The following SLC30A8 variants were observed in gnomAD, a reference collection of about 807,000 sequenced individuals.
SLC30A8 encodes the protein solute carrier family 30 member 8.
In SLC30A8, 27 loss-of-function variants were observed where a neutral mutation model predicts 36.9. The ratio of observed to expected loss-of-function variants is 0.73; its 90% CI spans 0.54 to 1.01. The LOEUF is 1.01. SLC30A8 is among the 50% of genes least tolerant of loss of function. SLC30A8 has a pLI of 0.00. For synonymous variants in SLC30A8, 164 were observed against 172.4 expected (o/e 0.95, Z 0.38); for missense variants, 439 against 452.0 (o/e 0.97, Z 0.26).
rs544785637 is a variant in SLC30A8, at chr8:117,016,489, T to C, written c.-265-22730T>C. 1.5e-4 allele frequency among the ~76,000 whole-genome samples: 23 copies of C among 152,248 alleles called. No individual in the cohort carries two copies. The South Asian group carries it at 4.8e-3, about 32-fold the overall frequency. Reference sequence around the variant, plus strand: ...ATCAACTCCAGGCTGAGGTGCCAAATAAATACATCTCTCTCAAGTCTCTCA... The same window carrying C: ...ATCAACTCCAGGCTGAGGTGCCAAACAAATACATCTCTCTCAAGTCTCTCA... On this transcript the variant is annotated intron_variant, in intron 1 of 10. Transcript: ENST00000427715.
At chr8:116,961,939 C>T (rs1162201840) in intron 1 of SLC30A8, among the ~76,000 whole-genome samples, 2 of 151,926 alleles carry the variant, frequency 1.3e-5, no homozygotes, top group African/African-American at 4.8e-5. Context: ...GGCCCCACAT[C>T]CCAACACCGT....
At chr8:116,988,575 AT>A (rs1215023264) in intron 1 of SLC30A8, among the ~76,000 whole-genome samples, 1 of 152,096 alleles carries the variant, frequency 6.6e-6, no homozygotes, top group African/African-American at 2.4e-5. Flanking sequence ...GCCTCCTGGA[AT>A]TTTTGCCTTT....
chr8:117,042,124 A>G (rs1287880582), intron 2 of SLC30A8, among the ~76,000 whole-genome samples: 2 of 152,212 alleles, frequency 1.3e-5, no homozygotes, highest in Non-Finnish European at 2.9e-5. Context: ...AAGCATTGCA[A>G]TATTCTCTTT....
chr8:117,157,760 G>GT lies in SLC30A8; in HGVS notation c.489dup (p.Glu164Ter). 3 of 1,614,096 alleles carry GT rather than the reference G, an allele frequency of 1.9e-6. No individual in the cohort carries two copies. Among genetic ancestry groups the GT allele is most frequent in the Non-Finnish European group, 2.5e-6 (3 of 1,180,002 alleles). On this transcript the variant is annotated frameshift_variant, in exon 4 of 8. Transcript: ENST00000456015. LOFTEE classifies it high-confidence loss of function. ...ACTGGCGTGCTAGTGTACCTGGCAT[G>GT]TGAGCGCCTGCTGTATCCTGATTAC...
chr8:116,964,555 A>G (rs1814535083), intron 1 of SLC30A8, among the ~76,000 whole-genome samples: 1 of 152,232 alleles, frequency 6.6e-6, no homozygotes, highest in Non-Finnish European at 1.5e-5. Flanking sequence ...CAAAGTGTTT[A>G]TGCAGCACCT....
chr8:117,094,119 G>C (rs1228807272), intron 2 of SLC30A8, among the ~76,000 whole-genome samples: 5 of 152,252 alleles, frequency 3.3e-5, no homozygotes, highest in Non-Finnish European at 5.9e-5. Context: ...GGAGCCCCTA[G>C]GTTCGGGCTC....
chr8:117,159,460 C>G (rs1563634580), intron 4 of SLC30A8, among the ~76,000 whole-genome samples: 2 of 152,226 alleles, frequency 1.3e-5, no homozygotes, highest in South Asian at 4.2e-4. Context: ...ACAGCCTTGC[C>G]CCTTGACATC....
intron 1 of SLC30A8, among the ~76,000 whole-genome samples, chr8:116,961,288 G>C (rs192788633): frequency 2.6e-5 from 4 of 152,086 alleles, no homozygotes; most frequent in Non-Finnish European, 1.5e-5. Context: ...AATTAGCCGG[G>C]CGTGGTGGCA....
At chr8:117,052,032 C>T (rs967256284) in intron 2 of SLC30A8, among the ~76,000 whole-genome samples, 15 of 152,034 alleles carry the variant, frequency 9.9e-5, no homozygotes, top group South Asian at 2.1e-4. Flanking sequence ...TTTTTGGAGA[C>T]GGAGTTCCAC....
chr8:117,057,653 G>T (rs1481181633), intron 2 of SLC30A8, among the ~76,000 whole-genome samples: 4 of 152,066 alleles, frequency 2.6e-5, no homozygotes, highest in African/African-American at 9.7e-5. Flanking sequence ...ATTTCACAGA[G>T]TAATGTCCTC....
At chr8:117,167,510 T>TATATATATAC (rs1485276508) in intron 6 of SLC30A8, among the ~76,000 whole-genome samples, 2 of 151,794 alleles carry the variant, frequency 1.3e-5, no homozygotes, top group Non-Finnish European at 2.9e-5. Context: ...TACATGTATA[T>TATATATATAC]GTATATGTGT....
intron 2 of SLC30A8, among the ~76,000 whole-genome samples, chr8:117,120,563 T>C (rs1293630164): frequency 1.3e-5 from 2 of 151,824 alleles, no homozygotes; most frequent in African/African-American, 2.4e-5. Context: ...TTGTTTGATA[T>C]GACACCAAAA....
chr8:116,968,648 AAT>A (rs10623413), intron 1 of SLC30A8, among the ~76,000 whole-genome samples: 32 of 149,144 alleles, frequency 2.1e-4, no homozygotes, highest in African/African-American at 2.2e-4. Flanking sequence ...CATGACAATG[AAT>A]ATATATATAT....
In SLC30A8 at chr8:117,174,031, G is replaced by T. The variant is rs753623497; in HGVS notation, c.*1350G>T. On this transcript the variant is annotated 3_prime_UTR_variant, in exon 8 of 8. Transcript: ENST00000456015. ...AGGCAAAAAGAAGACTAGGCACAAG[G>T]CACACTTATGTTTGTCTGTTAGCTT... is the stretch of plus-strand genomic sequence containing the variant. The T allele has an allele frequency of 6.6e-6, 1 of 152,102 alleles. No homozygotes were observed. Among genetic ancestry groups the T allele is most frequent in the African/African-American group, 2.4e-5 (1 of 41,418 alleles). 9.4% of individuals were successfully genotyped at this position (152,102 alleles called of 1,614,324 possible).
chr8:117,156,120 A>G (rs1586599391), intron 3 of SLC30A8, among the ~76,000 whole-genome samples: 1 of 150,654 alleles, frequency 6.6e-6, no homozygotes, highest in South Asian at 2.1e-4. Flanking sequence ...GCCCATTGCA[A>G]CCTCCACCTC....
At chr8:117,100,029 C>T (rs989779862) in intron 2 of SLC30A8, among the ~76,000 whole-genome samples, 30 of 151,102 alleles carry the variant, frequency 2.0e-4, no homozygotes, top group Non-Finnish European at 3.2e-4. Flanking sequence ...TCTAAAGGTA[C>T]CACATCTATA....
At chr8:117,164,817 C>T (rs1339154629) in intron 6 of SLC30A8, among the ~76,000 whole-genome samples, 2 of 152,098 alleles carry the variant, frequency 1.3e-5, no homozygotes, top group Non-Finnish European at 2.9e-5. Context: ...TCATCATCTA[C>T]AGCCCCATTA....
At chr8:116,985,755 A>ATTACCGAAG (rs1310546373) in intron 1 of SLC30A8, among the ~76,000 whole-genome samples, 1 of 151,304 alleles carries the variant, frequency 6.6e-6, no homozygotes, top group Non-Finnish European at 1.5e-5. Context: ...TACTCTGGAA[A>ATTACCGAAG]TTACCTAATT....
chr8:117,034,552 G>A (rs1205907704), intron 1 of SLC30A8, among the ~76,000 whole-genome samples: 1 of 152,178 alleles, frequency 6.6e-6, no homozygotes, highest in Non-Finnish European at 1.5e-5. Flanking sequence ...ATGGAGTGGT[G>A]AGACTTACCC....
Sources: gnomAD v4.1 joint callset for allele counts (sites outside exome capture counted in the v4.1 genomes callset) on GRCh38, gnomAD v4.1.1 for gene constraint, MANE v1.5 for transcripts, NCBI Gene and HGNC (gene_info 2026-07-23, HGNC 2026-07-21) for gene names.